Variants in TRMT11 observed in about 807,000 individuals in gnomAD.
TRMT11 encodes tRNA methyltransferase 11.
TRMT11 carries 53 observed loss-of-function variants against 62.8 expected under a neutral mutation model. That is an observed-to-expected ratio of 0.84 (90% CI 0.68 to 1.06). TRMT11 has a LOEUF of 1.06. Among genes scored for constraint, TRMT11 ranks in the 50% least tolerant of loss-of-function variants. The probability of loss-of-function intolerance (pLI) is 0.00; values close to 1 mark genes in which losing one functional copy is unlikely to be tolerated. For synonymous variants in TRMT11, 188 were observed against 190.3 expected, an observed-to-expected ratio of 0.99 and a Z score of 0.10; for missense variants, 556 against 553.4, an observed-to-expected ratio of 1.00 and a Z score of -0.05.
At chr6:126,153,743 G>A (rs1778084697) in intron 21 of TRMT11, among the ~76,000 whole-genome samples, 1 of 152,214 alleles carries the variant, frequency 6.6e-6, no homozygotes, top group Admixed American at 6.5e-5. Context: ...CACTCAGATT[G>A]TCATTCTGTA....
the TRMT11 span, among the ~76,000 whole-genome samples, chr6:126,221,848 C>A: frequency 6.6e-6 from 1 of 152,214 alleles, no homozygotes; most frequent in Non-Finnish European, 1.5e-5. Context: ...GTTTTTGTCA[C>A]AATTGCTTTT....
At chr6:126,120,967 TC>T (rs1777643250) in intron 21 of TRMT11, among the ~76,000 whole-genome samples, 1 of 152,104 alleles carries the variant, frequency 6.6e-6, no homozygotes, top group African/African-American at 2.4e-5. Flanking sequence ...ATTTTGGTGA[TC>T]TTCCCTTCAC....
chr6:126,268,520 A>G, the TRMT11 span, among the ~76,000 whole-genome samples: 4 of 152,304 alleles, frequency 2.6e-5, no homozygotes, highest in Non-Finnish European at 5.9e-5. Flanking sequence ...GCATCTTTGG[A>G]AATAATTTAT....
chr6:126,077,544 T>C (rs1274748371), intron 17 of TRMT11, among the ~76,000 whole-genome samples: 3 of 152,168 alleles, frequency 2.0e-5, no homozygotes, highest in Non-Finnish European at 4.4e-5. Flanking sequence ...AACCTCTATC[T>C]GGAACACAGA....
chr6:126,240,670 G>A, the TRMT11 span, among the ~76,000 whole-genome samples: 2 of 152,240 alleles, frequency 1.3e-5, no homozygotes, highest in Non-Finnish European at 2.9e-5. Flanking sequence ...ACCCACTTGA[G>A]GAGGCAGTCT....
chr6:126,237,747 T>G, the TRMT11 span, among the ~76,000 whole-genome samples: 1 of 152,102 alleles, frequency 6.6e-6, no homozygotes, highest in Non-Finnish European at 1.5e-5. Context: ...AAACTAATTC[T>G]AAATCAAAGA....
chr6:126,198,244 C>T (rs1326106163), intron 1 of TRMT11, among the ~76,000 whole-genome samples: 5 of 152,062 alleles, frequency 3.3e-5, no homozygotes. Flanking sequence ...TGTGGTACTT[C>T]TGGTGGCAGA....
chr6:126,079,985 G>C (rs1777123132), intron 17 of TRMT11, among the ~76,000 whole-genome samples: 3 of 152,190 alleles, frequency 2.0e-5, no homozygotes, highest in Non-Finnish European at 4.4e-5. Context: ...GATCTTTGGT[G>C]GTGGCTAACT....
Position 126,023,479 on chromosome 6 carries a change from C to A in TRMT11, c.1260+2199C>A, listed in dbSNP as rs1796125707. ...CCTGGCCAATGTAGTGAAACCCCAT[C>A]TCTACTAAAAATACAAAAATTACCT... is the stretch of plus-strand genomic sequence containing the variant. On this transcript the variant is annotated intron_variant, in intron 12 of 12. Coordinates refer to ENST00000334379, the MANE Select transcript of TRMT11 (RefSeq NM_001031712.3). Among the ~76,000 whole-genome samples, 4 of 152,132 alleles carry A rather than the reference C, an allele frequency of 2.6e-5. No individual in the cohort carries two copies. The South Asian group carries it at 8.3e-4, about 32-fold the overall frequency.
intron 16 of TRMT11, among the ~76,000 whole-genome samples, chr6:126,051,884 A>C (rs1776229570): frequency 6.6e-6 from 1 of 152,212 alleles, no homozygotes; most frequent in South Asian, 2.1e-4. Flanking sequence ...TGCAAGAAGC[A>C]GAAGATCCCT....
the TRMT11 span, among the ~76,000 whole-genome samples, chr6:126,269,360 CTA>C: frequency 6.6e-6 from 1 of 151,156 alleles, no homozygotes. Flanking sequence ...AAATACACCT[CTA>C]TACTGTATAA....
the TRMT11 span, among the ~76,000 whole-genome samples, chr6:126,225,659 G>A: frequency 2.7e-5 from 4 of 146,416 alleles, no homozygotes; most frequent in African/African-American, 7.7e-5. Flanking sequence ...TTTTGCCAGA[G>A]ATTTGATGAG....
the TRMT11 span, among the ~76,000 whole-genome samples, chr6:126,234,764 T>C: frequency 2.0e-5 from 3 of 152,306 alleles, no homozygotes; most frequent in Admixed American, 2.0e-4. Context: ...TATTCATGCT[T>C]TCTTCTAAGG....
chr6:126,018,889 A>AT (rs916878952), intron 11 of TRMT11, among the ~76,000 whole-genome samples: 37 of 150,344 alleles, frequency 2.5e-4, no homozygotes, highest in Non-Finnish European at 4.2e-4. Context: ...ACTTTATTTT[A>AT]TTTTTTTTTT....
chr6:126,091,707 G>A lies in TRMT11; in HGVS notation c.*1438-21159G>A, dbSNP rs568834915. On this transcript the variant is annotated intron_variant and NMD_transcript_variant, in intron 17 of 22. Transcript: ENST00000648977. The stretch of plus-strand genomic sequence containing the variant: ...CAGGAAAGGCCTGATGTCTCTCATG[G>A]CAACTCTATTGTTTGCATAGAAGCC... 6.6e-5 allele frequency among the ~76,000 whole-genome samples: 10 copies of A among 152,182 alleles called. No homozygotes were observed. In the South Asian group the frequency reaches 1.9e-3, roughly 28 times the overall value.
At chr6:126,168,268 T>C (rs554734808) in intron 21 of TRMT11, among the ~76,000 whole-genome samples, 1 of 152,306 alleles carries the variant, frequency 6.6e-6, no homozygotes, top group Non-Finnish European at 1.5e-5. Context: ...TTATGGTTTC[T>C]CCAACAGTCG....
chr6:126,105,153 A>C (rs1187668480), intron 17 of TRMT11, among the ~76,000 whole-genome samples: 1 of 152,176 alleles, frequency 6.6e-6, no homozygotes, highest in Non-Finnish European at 1.5e-5. Flanking sequence ...CCCCCTCAGA[A>C]CATTATAAAT....
chr6:126,001,409 A>T (rs1042212646), intron 7 of TRMT11, among the ~76,000 whole-genome samples: 1 of 151,344 alleles, frequency 6.6e-6, no homozygotes, highest in African/African-American at 2.4e-5. Flanking sequence ...GGGTTGTTTG[A>T]TGTCTCCTCA....
At chr6:126,177,569 A>C (rs1260764761) in intron 1 of TRMT11, among the ~76,000 whole-genome samples, 1 of 152,176 alleles carries the variant, frequency 6.6e-6, no homozygotes, top group African/African-American at 2.4e-5. Flanking sequence ...ATTGGAGAAA[A>C]GAATCCAGCC....
Sources: allele counts gnomAD v4.1 joint callset (sites outside exome capture counted in the v4.1 genomes callset), GRCh38; gene constraint gnomAD v4.1.1; transcripts MANE v1.5; gene names NCBI Gene and HGNC (gene_info 2026-07-23, HGNC 2026-07-21).